Variants in AP2B1 observed in about 807,000 individuals in gnomAD.
AP2B1 encodes adaptor related protein complex 2 subunit beta 1.
A neutral mutation model predicts 102.0 loss-of-function variants in AP2B1; 23 were observed. The observed-to-expected ratio is 0.23, with a 90% CI of 0.16 to 0.32. The LOEUF (loss-of-function observed/expected upper bound fraction) is 0.32, where lower values mean the gene tolerates loss of function less well. Ranked by LOEUF, AP2B1 falls within the 10% of genes least tolerant of loss-of-function variation. The pLI is 1.00. For synonymous variants in AP2B1, 381 were observed against 421.2 expected (o/e 0.90, Z 1.17); for missense variants, 541 against 1,157.4 (o/e 0.47, Z 7.73).
At chr17:35,656,545 T>C (rs1399455561) in intron 13 of AP2B1, among the ~76,000 whole-genome samples, 1 of 152,232 alleles carries the variant, frequency 6.6e-6, no homozygotes, top group African/African-American at 2.4e-5. Flanking sequence ...ATGTTATTTT[T>C]AGTTTCTGTT....
chr17:35,601,778 C>G (rs1001247963), intron 3 of AP2B1, among the ~76,000 whole-genome samples: 1 of 140,068 alleles, frequency 7.1e-6, no homozygotes, highest in South Asian at 2.3e-4. Flanking sequence ...TGTCATAACT[C>G]TTTTTTTTTT....
chr17:35,722,605 A>AC (rs34421538), intron 21 of AP2B1, among the ~76,000 whole-genome samples: 76,278 of 151,890 alleles, frequency 0.5, 19,195 homozygotes, highest in Middle Eastern at 0.59. Context: ...AGATAGTCTC[A>AC]CTTTTGCACT....
At chr17:35,693,817 A>G (rs587649872) in intron 18 of AP2B1, among the ~76,000 whole-genome samples, 223 of 152,228 alleles carry the variant, frequency 1.5e-3, no homozygotes, top group African/African-American at 5.0e-3. Context: ...TATGTATATG[A>G]CCTTCTTCCC....
In AP2B1 at chr17:35,670,932, C is replaced by T. The variant is rs1275359900; in HGVS notation, c.2031+34C>T. On this transcript the variant is annotated intron_variant, in intron 15 of 21. Transcript: ENST00000610402. ...CATCTGTTTTTTTCACCATGAGAAG[C>T]ACTGCCCCCTGTTTGATGCCTTTCC... 4 of 1,610,992 alleles carry T rather than the reference C, an allele frequency of 2.5e-6. No individual in the cohort carries two copies. In the Admixed American group the frequency reaches 5.0e-5, roughly 20 times the overall value.
intron 20 of AP2B1, among the ~76,000 whole-genome samples, chr17:35,712,395 G>C (rs587675502): frequency 1.5e-4 from 23 of 152,276 alleles, no homozygotes; most frequent in African/African-American, 5.5e-4. Context: ...TTGGGAGGCC[G>C]AGGTGGGCAG....
chr17:35,709,527 T>A (rs1465642253), intron 19 of AP2B1, among the ~76,000 whole-genome samples: 1 of 152,172 alleles, frequency 6.6e-6, no homozygotes, highest in East Asian at 1.9e-4. Context: ...AATATCTGAA[T>A]AATCCAGTCA....
At chr17:35,656,772 C>A (rs2075235815) in intron 13 of AP2B1, among the ~76,000 whole-genome samples, 2 of 151,512 alleles carry the variant, frequency 1.3e-5, no homozygotes, top group African/African-American at 4.8e-5. Flanking sequence ...GTAGTCCCAA[C>A]TACTTGGGAG....
chr17:35,724,513 A>G lies in AP2B1; in HGVS notation c.*814A>G, dbSNP rs1209571697. On this transcript the variant is annotated 3_prime_UTR_variant, in exon 22 of 22. Coordinates refer to ENST00000610402, the MANE Select transcript of AP2B1 (RefSeq NM_001030006.2). Reference sequence around the variant, plus strand: ...ACCTGCTAATCCCACTAATTCAGGAATTTGAGTAGAGATGGGGAACAAGAA... The same window carrying G: ...ACCTGCTAATCCCACTAATTCAGGAGTTTGAGTAGAGATGGGGAACAAGAA... The G allele has an allele frequency of 6.6e-6, 1 of 152,200 alleles. No homozygotes were observed. Among genetic ancestry groups the G allele is most frequent in the Admixed American group, 6.5e-5 (1 of 15,274 alleles). 9.4% of individuals were successfully genotyped at this position (152,200 alleles called of 1,614,324 possible).
intron 9 of AP2B1, among the ~76,000 whole-genome samples, chr17:35,633,357 C>CA (rs11463249): frequency 0.53 from 68,122 of 128,948 alleles, 16,009 homozygotes; most frequent in Admixed American, 0.56. Context: ...GACTGTGTCT[C>CA]AAAAAAAAAA....
At chr17:35,650,344 T>A (rs1180389056) in intron 12 of AP2B1, among the ~76,000 whole-genome samples, 186 bp from the exon 13 acceptor site, 2 of 152,054 alleles carry the variant, frequency 1.3e-5, no homozygotes, top group African/African-American at 4.8e-5. Context: ...ATCCGCCTGT[T>A]TCAGCCTCCC....
chr17:35,596,179 T>G (rs1325197427), intron 2 of AP2B1, among the ~76,000 whole-genome samples: 4 of 152,248 alleles, frequency 2.6e-5, no homozygotes, highest in Non-Finnish European at 4.4e-5. Flanking sequence ...GCTTTGATTC[T>G]ATAACACCTG....
chr17:35,618,952 A>G (rs572731140), intron 5 of AP2B1, among the ~76,000 whole-genome samples: 2 of 152,178 alleles, frequency 1.3e-5, no homozygotes, highest in Admixed American at 6.5e-5. Flanking sequence ...ATAAATCTAC[A>G]TGTCACCTTT....
intron 14 of AP2B1, among the ~76,000 whole-genome samples, chr17:35,669,161 G>A (rs1339487361): frequency 1.5e-5 from 2 of 135,594 alleles, no homozygotes; most frequent in Non-Finnish European, 3.1e-5. Flanking sequence ...TTTTTTTTCC[G>A]AGATGGAGTC....
At chr17:35,694,702 T>G (rs1205657210) in intron 18 of AP2B1, among the ~76,000 whole-genome samples, 1 of 152,046 alleles carries the variant, frequency 6.6e-6, no homozygotes, top group Non-Finnish European at 1.5e-5. Context: ...ATGGCAAAAC[T>G]CTGTCTCTGT....
At position 35,714,761 on chromosome 17, in the gene AP2B1, G is replaced by A. The variant is rs1344654396; in HGVS notation, c.2627-2434G>A. Among the ~76,000 whole-genome samples, 7 of 152,278 alleles carry A rather than the reference G, an allele frequency of 4.6e-5. No homozygotes were observed. The South Asian group carries it at 6.2e-4, about 14-fold the overall frequency. Reference sequence around the variant, plus strand: ...AAAGAAAAGAAATCATATCTTGAACGAAGGGTAACTATATTTGACCATCTT... The same window carrying A: ...AAAGAAAAGAAATCATATCTTGAACAAAGGGTAACTATATTTGACCATCTT... On this transcript the variant is annotated intron_variant, in intron 20 of 21. Transcript: ENST00000610402.
chr17:35,640,713 A>G (rs1054370822), intron 11 of AP2B1, among the ~76,000 whole-genome samples: 1 of 152,206 alleles, frequency 6.6e-6, no homozygotes, highest in Non-Finnish European at 1.5e-5. Flanking sequence ...CATGTCTTAC[A>G]AGGTTCAGGG....
chr17:35,618,784 A>G (rs2074093150), intron 5 of AP2B1, among the ~76,000 whole-genome samples: 1 of 152,150 alleles, frequency 6.6e-6, no homozygotes, highest in African/African-American at 2.4e-5. Context: ...TTTTAACAAA[A>G]TGAGGTCAAA....
intron 9 of AP2B1, among the ~76,000 whole-genome samples, chr17:35,630,808 G>A (rs2074441541): frequency 6.6e-6 from 1 of 152,122 alleles, no homozygotes; most frequent in South Asian, 2.1e-4. Flanking sequence ...ACTTTCCCAG[G>A]AAACTTAAGG....
chr17:35,652,267 T>G (rs2075106843), intron 13 of AP2B1, among the ~76,000 whole-genome samples: 1 of 152,226 alleles, frequency 6.6e-6, no homozygotes, highest in Non-Finnish European at 1.5e-5. Context: ...TCTGTTTTGA[T>G]ATAAATGGGA....
Sources: allele counts gnomAD v4.1 joint callset (sites outside exome capture counted in the v4.1 genomes callset), GRCh38; gene constraint gnomAD v4.1.1; transcripts MANE v1.5; gene names NCBI Gene and HGNC (gene_info 2026-07-23, HGNC 2026-07-21).